The following LRRD1 variants were observed in gnomAD, a reference collection of about 807,000 sequenced individuals.
LRRD1 encodes the protein leucine-rich repeat and death domain-containing protein 1.
LRRD1 carries 49 observed loss-of-function variants against 69.5 expected under a neutral mutation model. The ratio of observed to expected loss-of-function variants is 0.70; its 90% confidence interval spans 0.56 to 0.89. The LOEUF is 0.89. Ranked by LOEUF, LRRD1 falls within the 40% of genes least tolerant of loss-of-function variation. LRRD1 has a pLI of 0.00. For missense variants in LRRD1, 853 were observed against 956.0 expected (o/e 0.89, Z 1.42); for synonymous variants, 303 against 338.9 (o/e 0.89, Z 1.16).
Position 92,158,915 on chromosome 7 carries a change from T to G in LRRD1, c.2116+90A>C. 3 of 991,412 alleles carry G rather than the reference T, an allele frequency of 3.0e-6. No homozygotes were observed. The South Asian group carries it at 4.9e-5, about 16-fold the overall frequency. 61.4% of individuals were successfully genotyped at this position (991,412 alleles called of 1,614,324 possible). On this transcript the variant is annotated intron_variant, in intron 3 of 5. Transcript: ENST00000458448. ...GACTTAATACCTTATGTTGACTCTT[T>G]GCCATTCTGTATCTTGTCAGCAAAA...
At chr7:92,166,095 T>C (rs975560211) in intron 1 of LRRD1, among the ~76,000 whole-genome samples, 2 of 152,164 alleles carry the variant, frequency 1.3e-5, no homozygotes, top group Non-Finnish European at 2.9e-5. Context: ...CTTGCGTGGA[T>C]TGCAACCTTC....
chr7:92,167,876 CAAAAAAAAAA>C (rs542619786), intron 1 of LRRD1, among the ~76,000 whole-genome samples: 571 of 46,160 alleles, frequency 0.012, 4 homozygotes, highest in Admixed American at 0.016. Flanking sequence ...GACTCTGTCT[CAAAAAAAAAA>C]AAAAAAAAAA....
At position 92,162,017 on chromosome 7, in the gene LRRD1, G is replaced by A. The variant is rs1163752092; in HGVS notation, c.1917+1269C>T. On this transcript the variant is annotated intron_variant, in intron 2 of 5. Coordinates refer to ENST00000458448, the MANE Select transcript of LRRD1 (RefSeq NM_001161528.2). ...GGAGATACCAACAGTTATCTTACAA[G>A]AGGAGAAAATGAATGAGATGGTTAT... 2.6e-5 allele frequency among the ~76,000 whole-genome samples: 4 copies of A among 152,158 alleles called. No homozygotes were observed. The East Asian group carries it at 7.7e-4, about 29-fold the overall frequency.
chr7:92,147,764 C>T (rs57886897), intron 4 of LRRD1, among the ~76,000 whole-genome samples: 5,101 of 152,086 alleles, frequency 0.034, 253 homozygotes, highest in African/African-American at 0.11. Context: ...CAGGGTCTCA[C>T]TCTGTTGCTC....
intron 1 of LRRD1, among the ~76,000 whole-genome samples, chr7:92,174,837 G>T (rs541288163): frequency 6.6e-6 from 1 of 151,888 alleles, no homozygotes; most frequent in African/African-American, 2.4e-5. Flanking sequence ...CAAGGTGGGT[G>T]GATCACCTGA....
At chr7:92,167,058 T>C (rs1196169563) in intron 1 of LRRD1, among the ~76,000 whole-genome samples, 1 of 152,030 alleles carries the variant, frequency 6.6e-6, no homozygotes, top group Non-Finnish European at 1.5e-5. Context: ...TTGAGTAATA[T>C]TGCTAAATAC....
chr7:92,176,778 G>A (rs2131030118), intron 1 of LRRD1, among the ~76,000 whole-genome samples: 1 of 151,866 alleles, frequency 6.6e-6, no homozygotes, highest in East Asian at 1.9e-4. Flanking sequence ...AGTCAGGCTG[G>A]TCTCGAACTC....
At chr7:92,170,087 A>C (rs1056860308) in intron 1 of LRRD1, among the ~76,000 whole-genome samples, 1 of 150,738 alleles carries the variant, frequency 6.6e-6, no homozygotes, top group African/African-American at 2.4e-5. Flanking sequence ...AAAGAGAGAG[A>C]GAAATAAAGA....
intron 4 of LRRD1, chr7:92,149,947 C>T (rs779432183): frequency 1.2e-4 from 53 of 456,140 alleles, no homozygotes; most frequent in Non-Finnish European, 2.2e-4. Context: ...CTCAATGAAA[C>T]ACCTATTGAA....
intron 1 of LRRD1, among the ~76,000 whole-genome samples, chr7:92,176,776 T>C (rs551768377): frequency 6.6e-6 from 1 of 152,060 alleles, no homozygotes; most frequent in East Asian, 1.9e-4. Flanking sequence ...TTAGTCAGGC[T>C]GGTCTCGAAC....
chr7:92,163,719 T>C lies in LRRD1; in HGVS notation c.1484A>G (p.Asn495Ser). The change falls in exon 2 of 6, where the codon AAT (asparagine) becomes AGT (serine). Residue 495 changes from asparagine to serine, a missense_variant. By Grantham distance (46) the Asn-to-Ser change is conservative (BLOSUM62 1). This residue lies in a region of LRRD1 where 739 missense variants were observed against 808.0 expected (regional missense o/e 0.91). Transcript: ENST00000458448. Reference protein sequence around the residue: ...ALDSLYYLSVNGNYISEIPVD... With the variant: ...ALDSLYYLSVSGNYISEIPVD... Reference sequence around the variant, plus strand: ...AGGTATTTCTGAAATATAATTTCCATTAACACTCAAATAATAAAGAGAATC... The same window carrying C: ...AGGTATTTCTGAAATATAATTTCCACTAACACTCAAATAATAAAGAGAATC... 8 of 1,506,714 alleles carry C rather than the reference T, an allele frequency of 5.3e-6. No individual in the cohort carries two copies. In the South Asian group the frequency reaches 7.8e-5, roughly 15 times the overall value. 93.3% of individuals were successfully genotyped at this position (1,506,714 alleles called of 1,614,324 possible).
At chr7:92,166,625 T>A (rs1388422529) in intron 1 of LRRD1, among the ~76,000 whole-genome samples, 1 of 152,222 alleles carries the variant, frequency 6.6e-6, no homozygotes, top group Admixed American at 6.5e-5. Flanking sequence ...GAATGCAAGT[T>A]TGGATTTAAC....
intron 1 of LRRD1, among the ~76,000 whole-genome samples, chr7:92,177,844 G>A (rs1789230399): frequency 6.6e-6 from 1 of 152,122 alleles, no homozygotes; most frequent in Admixed American, 6.5e-5. Context: ...AACTTGGGAG[G>A]GGAAGAAAGG....
chr7:92,144,950 C>A lies in LRRD1; in HGVS notation c.2521G>T (p.Ala841Ser). The change falls in exon 6 of 6, where the codon GCA (alanine) becomes TCA (serine). Residue 841 changes from alanine to serine, a missense_variant. Ala to Ser is a moderately conservative substitution (Grantham distance 99). Transcript: ENST00000458448. ...QLIRALTMIG[A>S]YEIMDKITAL... ...GTTATTTTGTCCATAATTTCATATGCTCCTATCATAGTTAGTGCTCGAATT... is the reference window on the plus strand; with the variant it reads ...GTTATTTTGTCCATAATTTCATATGATCCTATCATAGTTAGTGCTCGAATT... 1 of 1,542,282 alleles carries A rather than the reference C, an allele frequency of 6.5e-7. No individual in the cohort carries two copies. The highest frequency in any genetic ancestry group is 1.4e-5 in the African/African-American group (1 of 73,026).
rs1359464396 is a variant in LRRD1, at chr7:92,163,380, T to A, written c.1823A>T (p.Asn608Ile). 3 of 1,546,934 alleles carry A rather than the reference T, an allele frequency of 1.9e-6. No homozygotes were observed. The highest frequency in any genetic ancestry group is 1.7e-4 in the Middle Eastern group (1 of 5,958). Residue 608 changes from asparagine (N) to isoleucine (I), a missense_variant, in exon 2 of 6, where the codon AAC becomes ATC. This residue lies in a region of LRRD1 where 739 missense variants were observed against 808.0 expected (regional missense o/e 0.91). Transcript: ENST00000458448. ...ATGTATAAATTGATTGCTTGAGAAGTTTAATTTCTGGATTCCTTTTAAATT... is the reference window on the plus strand; with the variant it reads ...ATGTATAAATTGATTGCTTGAGAAGATTAATTTCTGGATTCCTTTTAAATT... ...ICNLKGIQKL[N>I]FSSNQFIHFP... is the part of the protein sequence containing the mutation.
At chr7:92,143,038 C>G (rs1389893700), downstream of LRRD1, 1 of 210,338 alleles carries the variant, frequency 4.8e-6, no homozygotes, top group Non-Finnish European at 9.8e-6. Context: ...ACAGAGAGCC[C>G]GAGTGGTCTA....
intron 3 of LRRD1, among the ~76,000 whole-genome samples, chr7:92,154,265 G>T (rs78046154): frequency 0.11 from 17,384 of 151,702 alleles, 1,135 homozygotes; most frequent in East Asian, 0.36. Context: ...TTTGAGACAG[G>T]GTCTGGCTTT....
At chr7:92,147,189 C>T (rs1040313144) in intron 4 of LRRD1, among the ~76,000 whole-genome samples, 6 of 151,694 alleles carry the variant, frequency 4.0e-5, no homozygotes, top group African/African-American at 1.2e-4. Flanking sequence ...GCCTCAGCCT[C>T]CCGAGTAGCT....
At chr7:92,142,373 C>T, downstream of LRRD1, 2 of 441,758 alleles carry the variant, frequency 4.5e-6, no homozygotes, top group South Asian at 3.2e-5. Flanking sequence ...ACAACATAAA[C>T]AAGGTTCTGT....
Sources: gnomAD v4.1 joint callset for allele counts (sites outside exome capture counted in the v4.1 genomes callset) on GRCh38, gnomAD v4.1.1 for gene constraint, gnomAD v4.1.1 regional missense constraint, MANE v1.5 for transcripts, NCBI Gene and HGNC (gene_info 2026-07-23, HGNC 2026-07-21) for gene names.